The following CADPS2 variants were observed in gnomAD, a reference collection of about 807,000 sequenced individuals.
CADPS2 encodes the protein calcium dependent secretion activator 2, also known as calcium-dependent secretion activator 2.
CADPS2 carries 93 observed loss-of-function variants against 172.5 expected under a neutral mutation model. The observed-to-expected ratio is 0.54, with a 90% CI of 0.46 to 0.64. The LOEUF (loss-of-function observed/expected upper bound fraction) is 0.64, where lower values mean the gene tolerates loss of function less well. Ranked by LOEUF, CADPS2 falls within the 30% of genes least tolerant of loss-of-function variation. The pLI, the probability that CADPS2 is intolerant of heterozygous loss-of-function variation, is 0.00. For missense variants in CADPS2, 1,420 were observed against 1,565.9 expected (o/e 0.91, Z 1.57); for synonymous variants, 546 against 555.2 (o/e 0.98, Z 0.23).
At chr7:122,701,231 AC>A (rs2086013463) in intron 2 of CADPS2, among the ~76,000 whole-genome samples, 1 of 152,236 alleles carries the variant, frequency 6.6e-6, no homozygotes, top group Admixed American at 6.5e-5. Context: ...AAAATGTGGC[AC>A]ATATACACCA....
chr7:122,882,248 G>C (rs1823102997), intron 1 of CADPS2, among the ~76,000 whole-genome samples: 1 of 152,144 alleles, frequency 6.6e-6, no homozygotes, highest in Non-Finnish European at 1.5e-5. Flanking sequence ...ATTATGCAAA[G>C]TGGTAGGAGT....
intron 17 of CADPS2, among the ~76,000 whole-genome samples, chr7:122,428,494 T>C (rs2049459665): frequency 6.8e-6 from 1 of 147,556 alleles, no homozygotes; most frequent in Non-Finnish European, 1.5e-5. Context: ...TGAGACGGAG[T>C]TTTGCTGTTG....
intron 16 of CADPS2, among the ~76,000 whole-genome samples, 183 bp downstream of exon 16, chr7:122,441,329 T>C (rs1273856004): frequency 6.6e-6 from 1 of 152,084 alleles, no homozygotes; most frequent in Non-Finnish European, 1.5e-5. Flanking sequence ...TCAGAAAGGC[T>C]TCAGGGAGAA....
chr7:122,606,938 G>A (rs4521704), intron 6 of CADPS2, among the ~76,000 whole-genome samples: 53,888 of 151,926 alleles, frequency 0.35, 9,946 homozygotes, highest in Middle Eastern at 0.41. Context: ...TGATGTTAGA[G>A]GTCCCTGGCA....
intron 2 of CADPS2, among the ~76,000 whole-genome samples, chr7:122,669,687 C>A (rs577728302): frequency 1.3e-5 from 2 of 151,942 alleles, no homozygotes; most frequent in Non-Finnish European, 2.9e-5. Flanking sequence ...CTGTCCTCAG[C>A]CTGCTGATTA....
intron 25 of CADPS2, among the ~76,000 whole-genome samples, chr7:122,366,041 G>C (rs1200968507): frequency 6.6e-6 from 1 of 150,820 alleles, no homozygotes. Context: ...AACATCCCTA[G>C]TATGGCTGAT....
At position 122,358,919 on chromosome 7, in the gene CADPS2, G is replaced by C. The variant is rs1037142343; in HGVS notation, c.3504+1869C>G. Reference sequence around the variant, plus strand: ...GATAAGCTAGAATTCCTCTAGGTTAGTAACTGGCATGATGAAGAGTCTGGA... The same window carrying C: ...GATAAGCTAGAATTCCTCTAGGTTACTAACTGGCATGATGAAGAGTCTGGA... On this transcript the variant is annotated intron_variant, in intron 27 of 29. Transcript: ENST00000449022. 7.9e-5 allele frequency among the ~76,000 whole-genome samples: 12 copies of C among 152,204 alleles called. 1 individual carries two copies. Among genetic ancestry groups the C allele is most frequent in the Admixed American group, 5.2e-4 (8 of 15,280 alleles).
At position 122,502,776 on chromosome 7, in the gene CADPS2, T is replaced by G. The variant is rs114300120; in HGVS notation, c.1542+10473A>C. Among the ~76,000 whole-genome samples the G allele has an allele frequency of 7.7e-3, 1,180 of 152,296 alleles. 13 individuals are homozygous for G. Among genetic ancestry groups the G allele is most frequent in the African/African-American group, 0.027 (1,143 of 41,582 alleles). On this transcript the variant is annotated intron_variant, in intron 9 of 29. Transcript: ENST00000449022. ...ATTCTTCTACATCTTAAGTTTCACA[T>G]GTCTGAGATCATACTCATTTATCTC...
At chr7:122,839,587 AAAAC>A (rs1159050086) in intron 1 of CADPS2, among the ~76,000 whole-genome samples, 1 of 152,216 alleles carries the variant, frequency 6.6e-6, no homozygotes, top group East Asian at 1.9e-4. Context: ...TTACAGGAAA[AAAAC>A]AAACAACCCC....
At chr7:122,693,171 C>G (rs1274079679) in intron 2 of CADPS2, among the ~76,000 whole-genome samples, 1 of 152,176 alleles carries the variant, frequency 6.6e-6, no homozygotes, top group Non-Finnish European at 1.5e-5. Flanking sequence ...ACTCAAAGCT[C>G]CTTTATAAAA....
chr7:122,880,263 C>T (rs1413837806), intron 1 of CADPS2, among the ~76,000 whole-genome samples: 2 of 152,184 alleles, frequency 1.3e-5, no homozygotes. Flanking sequence ...TATATACTTT[C>T]TGTTGCTAAT....
At position 122,793,324 on chromosome 7, in the gene CADPS2, T is replaced by C. The variant is rs146958640; in HGVS notation, c.340-56256A>G. Among the ~76,000 whole-genome samples, 363 of 152,326 alleles carry C rather than the reference T, an allele frequency of 2.4e-3. 1 individual carries two copies. Among genetic ancestry groups the C allele is most frequent in the Non-Finnish European group, 3.2e-3 (215 of 68,032 alleles). On this transcript the variant is annotated intron_variant, in intron 1 of 29. Coordinates refer to ENST00000449022, the MANE Select transcript of CADPS2 (RefSeq NM_017954.11). The stretch of plus-strand genomic sequence containing the variant: ...TCTGGGTGCTTCCATGCTGGGTGCA[T>C]ATACATTTAAGATAGTGAGAGCTTC...
intron 6 of CADPS2, among the ~76,000 whole-genome samples, chr7:122,585,977 G>A (rs148421701): frequency 0.01 from 1,540 of 151,980 alleles, 25 homozygotes; most frequent in African/African-American, 0.035. Flanking sequence ...AGTCTAAGCA[G>A]AAACATTCAT....
At chr7:122,681,274 A>G in intron 2 of CADPS2, 1 of 838,712 alleles carries the variant, frequency 1.2e-6, no homozygotes, top group Admixed American at 1.8e-5. Context: ...AACTTAAAGT[A>G]TAATAATAAA....
intron 1 of CADPS2, among the ~76,000 whole-genome samples, chr7:122,873,264 T>A (rs1820271953): frequency 6.6e-6 from 1 of 152,136 alleles, no homozygotes; most frequent in Non-Finnish European, 1.5e-5. Flanking sequence ...GCCATAGTGG[T>A]TTCCTGCACC....
At chr7:122,615,956 G>C (rs1189881494) in intron 5 of CADPS2, among the ~76,000 whole-genome samples, 1 of 151,908 alleles carries the variant, frequency 6.6e-6, no homozygotes, top group Non-Finnish European at 1.5e-5. Context: ...ACTGGAAAAG[G>C]GTGGAAAAAC....
intron 8 of CADPS2, among the ~76,000 whole-genome samples, chr7:122,540,293 G>A (rs972522748): frequency 1.2e-4 from 18 of 152,058 alleles, no homozygotes; most frequent in African/African-American, 4.3e-4. Context: ...AGCAATTTAG[G>A]ACTTTAACTT....
At chr7:122,721,680 C>T (rs2090424847) in intron 2 of CADPS2, among the ~76,000 whole-genome samples, 1 of 152,098 alleles carries the variant, frequency 6.6e-6, no homozygotes, top group Non-Finnish European at 1.5e-5. Context: ...TCCTCCCTAA[C>T]TCATTTTATG....
At chr7:122,491,480 C>CA (rs1563494682) in intron 9 of CADPS2, 60 bp from the exon 10 acceptor site, 10 of 837,386 alleles carry the variant, frequency 1.2e-5, no homozygotes, top group Admixed American at 1.2e-4. Flanking sequence ...ATTTAACTTT[C>CA]GTTTTTTTAT....
Sources: allele counts gnomAD v4.1 joint callset (sites outside exome capture counted in the v4.1 genomes callset), GRCh38; gene constraint gnomAD v4.1.1; transcripts MANE v1.5; gene names NCBI Gene and HGNC (gene_info 2026-07-23, HGNC 2026-07-21).